The following IL1RAPL2 variants were observed in gnomAD, a reference collection of about 807,000 sequenced individuals.
IL1RAPL2 encodes interleukin 1 receptor accessory protein like 2.
A neutral mutation model predicts 44.1 loss-of-function variants in IL1RAPL2; 3 were observed. That is an observed-to-expected ratio of 0.07 (90% CI 0.03 to 0.18). The LOEUF (loss-of-function observed/expected upper bound fraction) is 0.18. IL1RAPL2 is among the 10% of genes least tolerant of loss of function. The probability of loss-of-function intolerance (pLI) is 1.00; values close to 1 mark genes in which losing one functional copy is unlikely to be tolerated. For missense variants in IL1RAPL2, 391 were observed against 496.4 expected (o/e 0.79, Z 2.02); for synonymous variants, 181 against 178.8 (o/e 1.01, Z -0.10).
chrX:105,294,319 AAGATTTT>A (rs1242412827), intron 5 of IL1RAPL2, among the ~76,000 whole-genome samples: 2 of 112,612 alleles, frequency 1.8e-5, no homozygotes, highest in African/African-American at 3.2e-5. Context: ...CATAGATGTG[AAGATTTT>A]ATAAAAATAG....
chrX:104,691,802 A>C (rs1931096044), intron 2 of IL1RAPL2, among the ~76,000 whole-genome samples: 1 of 111,649 alleles, frequency 9.0e-6, no homozygotes, highest in African/African-American at 3.3e-5. Context: ...GGATCTTGGC[A>C]TCTGACTTTT....
chrX:105,646,425 C>T (rs1372796062), intron 6 of IL1RAPL2, among the ~76,000 whole-genome samples: 1 of 111,544 alleles, frequency 9.0e-6, no homozygotes, highest in Non-Finnish European at 1.9e-5. Flanking sequence ...TAGAGATAGC[C>T]GTTTTAGGAG....
At position 105,429,942 on chromosome X, in the gene IL1RAPL2, C is replaced by T. The variant is rs767485266; in HGVS notation, c.698-54371C>T. Reference sequence around the variant, plus strand: ...TCTGGTTTATAGTAGAGAGGAGCATCTGTTGGTCAACTGTGATTTTAGAGT... The same window carrying T: ...TCTGGTTTATAGTAGAGAGGAGCATTTGTTGGTCAACTGTGATTTTAGAGT... On this transcript the variant is annotated intron_variant, in intron 5 of 10. Transcript: ENST00000372582. Among the ~76,000 whole-genome samples the T allele has an allele frequency of 1.4e-3, 160 of 111,337 alleles. 1 individual carries two copies. The highest frequency in any genetic ancestry group is 2.7e-3 in the Non-Finnish European group (141 of 52,899).
intron 2 of IL1RAPL2, among the ~76,000 whole-genome samples, chrX:104,662,288 C>T (rs1930416093): frequency 8.9e-6 from 1 of 112,009 alleles, no homozygotes; most frequent in African/African-American, 3.2e-5. Context: ...GCTTGGGAAA[C>T]AGCAAAGATG....
intron 2 of IL1RAPL2, among the ~76,000 whole-genome samples, chrX:104,979,094 A>G (rs1399568344): frequency 9.0e-6 from 1 of 111,729 alleles, no homozygotes; most frequent in Non-Finnish European, 1.9e-5. Context: ...TTTACAATAT[A>G]TATTCTAAGC....
chrX:104,891,818 C>A (rs1274327122), intron 2 of IL1RAPL2, among the ~76,000 whole-genome samples: 1 of 111,695 alleles, frequency 9.0e-6, no homozygotes, highest in Non-Finnish European at 1.9e-5. Context: ...CTGGCCAGAA[C>A]TTCCAACACT....
At chrX:105,363,899 T>A (rs2035273055) in intron 5 of IL1RAPL2, among the ~76,000 whole-genome samples, 2 of 111,604 alleles carry the variant, frequency 1.8e-5, no homozygotes, top group South Asian at 7.4e-4. Flanking sequence ...ATCCATGGGT[T>A]ATCACTTCAC....
chrX:105,158,560 C>T, intron 2 of IL1RAPL2, among the ~76,000 whole-genome samples: 1 of 111,829 alleles, frequency 8.9e-6, no homozygotes. Flanking sequence ...CTCCAATACC[C>T]CACATCCAAT....
chrX:104,842,087 C>T (rs1404678981), intron 2 of IL1RAPL2, among the ~76,000 whole-genome samples: 2 of 109,997 alleles, frequency 1.8e-5, no homozygotes, highest in African/African-American at 6.6e-5. Flanking sequence ...TTGTTCATTC[C>T]TTTTCATTTT....
At chrX:105,167,271 A>G (rs1430753089) in intron 2 of IL1RAPL2, among the ~76,000 whole-genome samples, 2 of 112,357 alleles carry the variant, frequency 1.8e-5, no homozygotes, top group Non-Finnish European at 3.8e-5. Context: ...TCATTTTATG[A>G]CCAACAATTT....
chrX:105,426,509 A>G (rs2035811385), intron 5 of IL1RAPL2, among the ~76,000 whole-genome samples: 1 of 111,128 alleles, frequency 9.0e-6, no homozygotes, highest in Admixed American at 9.6e-5. Flanking sequence ...CTTAGCCCCT[A>G]TTCTACTCCT....
At chrX:104,688,686 A>G (rs1931034104) in intron 2 of IL1RAPL2, among the ~76,000 whole-genome samples, 1 of 112,039 alleles carries the variant, frequency 8.9e-6, no homozygotes, top group Admixed American at 9.5e-5. Flanking sequence ...GTTTAACCCA[A>G]GTCACTTTTG....
chrX:104,941,173 G>A (rs1239560307), intron 2 of IL1RAPL2, among the ~76,000 whole-genome samples: 3 of 110,689 alleles, frequency 2.7e-5, no homozygotes, highest in African/African-American at 9.9e-5. Context: ...ATGTGTGCAC[G>A]TGTCTTTATA....
At chrX:104,909,282 G>C (rs1236636708) in intron 2 of IL1RAPL2, among the ~76,000 whole-genome samples, 18 of 111,284 alleles carry the variant, frequency 1.6e-4, no homozygotes, top group Non-Finnish European at 3.4e-4. Context: ...CTTTGCCTTT[G>C]GTTTGAATGT....
chrX:105,128,405 A>G (rs1320869367), intron 2 of IL1RAPL2, among the ~76,000 whole-genome samples: 1 of 111,113 alleles, frequency 9.0e-6, no homozygotes, highest in Non-Finnish European at 1.9e-5. Flanking sequence ...GTATATCTAC[A>G]CAACTTTCTA....
chrX:105,165,277 T>A (rs2147597229), intron 2 of IL1RAPL2, among the ~76,000 whole-genome samples: 1 of 111,903 alleles, frequency 8.9e-6, no homozygotes, highest in South Asian at 3.8e-4. Context: ...CCACCCACTG[T>A]TCCATAAAAA....
chrX:104,591,649 G>A (rs1928667690), intron 1 of IL1RAPL2, among the ~76,000 whole-genome samples: 2 of 105,350 alleles, frequency 1.9e-5, no homozygotes, highest in Non-Finnish European at 1.9e-5. Flanking sequence ...TTTGGAAACA[G>A]GAAAGCTTCC....
intron 2 of IL1RAPL2, among the ~76,000 whole-genome samples, chrX:104,861,033 A>G (rs752566937): frequency 1.8e-5 from 2 of 110,871 alleles, no homozygotes; most frequent in South Asian, 7.7e-4. Context: ...TTCCGCCATT[A>G]CTCCCAGAGC....
chrX:104,658,747 T>C, intron 1 of IL1RAPL2, 148 bp from the exon 2 acceptor site: 1 of 423,928 alleles, frequency 2.4e-6, no homozygotes, highest in Admixed American at 4.9e-5. Context: ...TTTCATGTTT[T>C]CTTCTATTTG....
Sources: allele counts gnomAD v4.1 joint callset (sites outside exome capture counted in the v4.1 genomes callset), GRCh38; gene constraint gnomAD v4.1.1; transcripts MANE v1.5; gene names NCBI Gene and HGNC (gene_info 2026-07-23, HGNC 2026-07-21).